Variants in EML6 observed in about 807,000 individuals in gnomAD.
The protein encoded by EML6 is echinoderm microtubule-associated protein-like 6.
In EML6, 154 loss-of-function variants were observed where a neutral mutation model predicts 240.1. That is an observed-to-expected ratio of 0.64 (90% CI 0.56 to 0.73). The LOEUF (loss-of-function observed/expected upper bound fraction) is 0.73. Among genes scored for constraint, EML6 ranks in the 30% least tolerant of loss-of-function variants. The probability of loss-of-function intolerance (pLI) is 0.00; values close to 1 mark genes in which losing one functional copy is unlikely to be tolerated. For missense variants in EML6, 2,964 were observed against 2,474.6 expected (o/e 1.20, Z -4.20); for synonymous variants, 1,148 against 899.0 (o/e 1.28, Z -4.95).
intron 2 of EML6, among the ~76,000 whole-genome samples, chr2:54,785,158 C>G (rs971053174): frequency 6.8e-6 from 1 of 148,004 alleles, no homozygotes; most frequent in Non-Finnish European, 1.5e-5. Context: ...TTTCCACCCC[C>G]CCACACACAC....
In EML6 at chr2:54,971,744, C is replaced by T. The variant is rs1036886668; in HGVS notation, c.*1649C>T. The T allele has an allele frequency of 6.6e-6, 1 of 152,178 alleles. No individual in the cohort carries two copies. The highest frequency in any genetic ancestry group is 2.4e-5 in the African/African-American group (1 of 41,442). The allele number at this position is 152,178 out of a possible 1,614,324, so 9.4% of individuals were successfully genotyped here. On this transcript the variant is annotated 3_prime_UTR_variant, in exon 42 of 42. Coordinates refer to ENST00000356458, the MANE Select transcript of EML6 (RefSeq NM_001039753.4). ...TCTGCCTATCTTGTACTAGACTCTT[C>T]ATGCTGATCGGATCTTGCATTGAAA...
intron 7 of EML6, among the ~76,000 whole-genome samples, chr2:54,836,616 A>G (rs1014079075): frequency 6.6e-6 from 1 of 151,968 alleles, no homozygotes; most frequent in Non-Finnish European, 1.5e-5. Flanking sequence ...CACTCTACAC[A>G]CAGGATCCCA....
chr2:54,944,585 T>C (rs956495879), intron 28 of EML6, among the ~76,000 whole-genome samples: 19 of 152,250 alleles, frequency 1.2e-4, no homozygotes, highest in Admixed American at 2.6e-4. Flanking sequence ...TTCACCCAAA[T>C]AACTTTGTAT....
intron 2 of EML6, among the ~76,000 whole-genome samples, chr2:54,797,164 C>CAA (rs773498648): frequency 0.011 from 470 of 43,706 alleles, 38 homozygotes; most frequent in South Asian, 0.015. Flanking sequence ...GACTCCATCT[C>CAA]AAAAAAAAAA....
chr2:54,915,847 T>G (rs1673881688), intron 25 of EML6, among the ~76,000 whole-genome samples: 1 of 152,178 alleles, frequency 6.6e-6, no homozygotes, highest in Non-Finnish European at 1.5e-5. Flanking sequence ...ACTCCAGTGC[T>G]TTCTCTAAAG....
chr2:54,734,192 G>A (rs745356985), intron 2 of EML6, among the ~76,000 whole-genome samples: 1 of 152,110 alleles, frequency 6.6e-6, no homozygotes, highest in Non-Finnish European at 1.5e-5. Context: ...ACAAAAATTA[G>A]CCGGGCATGA....
intron 36 of EML6, among the ~76,000 whole-genome samples, chr2:54,962,982 AAAT>A (rs1351456028): frequency 1.3e-5 from 2 of 152,252 alleles, no homozygotes; most frequent in Admixed American, 6.5e-5. Flanking sequence ...AGAAGACTAA[AAAT>A]GATTTAAAAT....
chr2:54,956,795 A>G (rs1676255975), intron 32 of EML6, among the ~76,000 whole-genome samples: 1 of 152,230 alleles, frequency 6.6e-6, no homozygotes, highest in African/African-American at 2.4e-5. Flanking sequence ...GTGTGTGAAT[A>G]ATCAAGGGAG....
At chr2:54,901,558 C>T (rs1045382496) in intron 22 of EML6, among the ~76,000 whole-genome samples, 2 of 152,238 alleles carry the variant, frequency 1.3e-5, no homozygotes, top group East Asian at 3.8e-4. Context: ...CAGTTTACCC[C>T]TGTTGTTCTG....
At chr2:54,799,997 G>T (rs1334509035) in intron 2 of EML6, among the ~76,000 whole-genome samples, 27 of 152,186 alleles carry the variant, frequency 1.8e-4, no homozygotes. Context: ...TGTAATCTGA[G>T]CAATTTGAGA....
Position 54,964,747 on chromosome 2 carries a change from T to G in EML6, c.5493+14T>G, listed in dbSNP as rs1292091841. The G allele has an allele frequency of 1.3e-6, 2 of 1,551,428 alleles. No individual in the cohort carries two copies. The highest frequency in any genetic ancestry group is 3.9e-5 in the Admixed American group (2 of 50,972). On this transcript the variant is annotated intron_variant, in intron 38 of 41. Coordinates refer to ENST00000356458, the MANE Select transcript of EML6 (RefSeq NM_001039753.4). ...AAATACATTCAGGTATGCTTGGGGT[T>G]TACTTATATCTGGGGCAACCAATAA...
At chr2:54,783,450 A>G (rs1214415292) in intron 2 of EML6, among the ~76,000 whole-genome samples, 1 of 152,226 alleles carries the variant, frequency 6.6e-6, no homozygotes, top group Non-Finnish European at 1.5e-5. Flanking sequence ...GTTTGTACAC[A>G]GCCTTTAAAA....
intron 2 of EML6, among the ~76,000 whole-genome samples, chr2:54,781,870 T>C (rs1445432771): frequency 6.6e-6 from 1 of 152,156 alleles, no homozygotes; most frequent in Non-Finnish European, 1.5e-5. Flanking sequence ...AGTTTAGCCA[T>C]GTTAGCTGGG....
intron 9 of EML6, among the ~76,000 whole-genome samples, chr2:54,848,382 T>C (rs1023945822): frequency 6.6e-6 from 1 of 152,184 alleles, no homozygotes; most frequent in African/African-American, 2.4e-5. Flanking sequence ...TAGCACAGTT[T>C]ATTACACTAC....
intron 24 of EML6, among the ~76,000 whole-genome samples, chr2:54,903,880 C>T (rs6742763): frequency 0.043 from 6,579 of 152,200 alleles, 494 homozygotes; most frequent in African/African-American, 0.15. Context: ...AAAGCTCCAC[C>T]TCTTGGAGAA....
At chr2:54,728,761 A>G (rs1205297591) in intron 2 of EML6, among the ~76,000 whole-genome samples, 3 of 152,338 alleles carry the variant, frequency 2.0e-5, no homozygotes, top group Middle Eastern at 3.4e-3. Flanking sequence ...CCCCAGAACA[A>G]AACAATGATT....
At chr2:54,746,932 C>T (rs190675454) in intron 2 of EML6, among the ~76,000 whole-genome samples, 1 of 152,092 alleles carries the variant, frequency 6.6e-6, no homozygotes, top group Admixed American at 6.5e-5. Context: ...AGTAGATATC[C>T]CAGGAGTGTT....
At chr2:54,757,209 T>A in intron 2 of EML6, among the ~76,000 whole-genome samples, 1 of 152,152 alleles carries the variant, frequency 6.6e-6, no homozygotes, top group Non-Finnish European at 1.5e-5. Context: ...TATATTTGTA[T>A]TGGTCTTTAA....
intron 25 of EML6, among the ~76,000 whole-genome samples, chr2:54,913,071 G>GTTTTTTTT (rs1216432893): frequency 8.5e-4 from 107 of 125,570 alleles, no homozygotes; most frequent in Non-Finnish European, 1.1e-3. Flanking sequence ...GCCAGATTCT[G>GTTTTTTTT]TTTTTTTTTT....
Sources: allele counts gnomAD v4.1 joint callset (sites outside exome capture counted in the v4.1 genomes callset), GRCh38; gene constraint gnomAD v4.1.1; transcripts MANE v1.5; gene names NCBI Gene and HGNC (gene_info 2026-07-23, HGNC 2026-07-21).